Variants in CLPTM1L observed in about 807,000 individuals in gnomAD.
CLPTM1L encodes CLPTM1 like.
CLPTM1L carries 38 observed loss-of-function variants against 70.9 expected under a neutral mutation model. The ratio of observed to expected loss-of-function variants is 0.54; its 90% CI spans 0.41 to 0.70. The LOEUF is 0.70. Among genes scored for constraint, CLPTM1L ranks in the 30% least tolerant of loss-of-function variants. The pLI is 0.00. For missense variants in CLPTM1L, 652 were observed against 705.9 expected, an observed-to-expected ratio of 0.92 and a Z score of 0.87; for synonymous variants, 339 against 299.9, an observed-to-expected ratio of 1.13 and a Z score of -1.35.
At chr5:1,323,401 G>T (rs1358946560) in intron 12 of CLPTM1L, among the ~76,000 whole-genome samples, 7 of 151,590 alleles carry the variant, frequency 4.6e-5, no homozygotes, top group African/African-American at 1.7e-4. Flanking sequence ...GGCAGCAGAG[G>T]CTGGAGGCTC....
chr5:1,331,569 C>G, intron 8 of CLPTM1L: 1 of 401,908 alleles, frequency 2.5e-6, no homozygotes. Flanking sequence ...AGGCCCTGAG[C>G]TGTGCAGCCG....
intron 9 of CLPTM1L, among the ~76,000 whole-genome samples, chr5:1,327,799 A>G (rs2111215293): frequency 1.4e-5 from 2 of 148,078 alleles, no homozygotes; most frequent in South Asian, 2.2e-4. Context: ...CTCCTCCTCT[A>G]CAGACACATT....
At chr5:1,338,821 A>T in intron 4 of CLPTM1L, 39 bp downstream of exon 4, 1 of 1,610,188 alleles carries the variant, frequency 6.2e-7, no homozygotes, top group Non-Finnish European at 8.5e-7. Flanking sequence ...GGGTCCCAGC[A>T]CCCTCCCCCC....
intron 4 of CLPTM1L, chr5:1,338,237 G>A: frequency 1.8e-6 from 1 of 562,652 alleles, no homozygotes; most frequent in South Asian, 2.0e-5. Context: ...GCCACTAGGA[G>A]CGGGGGAATT....
At chr5:1,338,630 C>G (rs897529248) in intron 4 of CLPTM1L, among the ~76,000 whole-genome samples, 4 of 152,260 alleles carry the variant, frequency 2.6e-5, no homozygotes, top group Non-Finnish European at 4.4e-5. Flanking sequence ...CCTTCGCCAG[C>G]CAGGAGCAAA....
chr5:1,333,663 C>T (rs56190840), intron 7 of CLPTM1L, among the ~76,000 whole-genome samples: 3 of 49,992 alleles, frequency 6.0e-5, no homozygotes, highest in Admixed American at 4.0e-4. Context: ...TACACACCGG[C>T]TGAGGATAAG....
At chr5:1,344,483 G>T in intron 1 of CLPTM1L, 32 bp from the exon 2 acceptor site, 1 of 1,585,006 alleles carries the variant, frequency 6.3e-7, no homozygotes, top group Non-Finnish European at 8.7e-7. Flanking sequence ...GAGTCAGCTC[G>T]GCCAGGCCCT....
chr5:1,321,164 T>A (rs138592428), intron 15 of CLPTM1L, among the ~76,000 whole-genome samples: 1 of 152,310 alleles, frequency 6.6e-6, no homozygotes, highest in African/African-American at 2.4e-5. Context: ...TTCAGAAAAG[T>A]GCAAATCATG....
chr5:1,324,900 G>A, intron 10 of CLPTM1L, 87 bp from the exon 11 acceptor site: 3 of 1,233,232 alleles, frequency 2.4e-6, no homozygotes, highest in Non-Finnish European at 3.6e-6. Flanking sequence ...GTCACATATG[G>A]CTGCAGAGCT....
At chr5:1,333,744 G>C (rs911340110) in intron 7 of CLPTM1L, among the ~76,000 whole-genome samples, 74 of 90,372 alleles carry the variant, frequency 8.2e-4, no homozygotes, top group Non-Finnish European at 9.3e-4. Flanking sequence ...TGAGGATAAG[G>C]GGGGACTACT....
Position 1,321,810 on chromosome 5 carries a change from G to A in CLPTM1L, c.1325C>T (p.Ala442Val). Reference sequence around the variant, plus strand: ...GGGCAGCATGAAGAGGAAACCAAAGGCATAGACCCCTGCAGAAAGACAGAC... The same window carrying A: ...GGGCAGCATGAAGAGGAAACCAAAGACATAGACCCCTGCAGAAAGACAGAC... ...LINSFVNGVY[A>V]FGFLFMLPQL... Residue 442 changes from alanine (A) to valine (V), a missense_variant, in exon 14 of 17, where the codon GCC (alanine) becomes GTC (valine). Ala to Val is a moderately conservative substitution (Grantham distance 64, BLOSUM62 0). Around this residue, in one of 3 missense-constraint regions of CLPTM1L, gnomAD observed 240 missense variants for 295.0 expected, o/e 0.81. Transcript: ENST00000320895. 1 of 1,613,878 alleles carries A rather than the reference G, an allele frequency of 6.2e-7. No individual in the cohort carries two copies. Among genetic ancestry groups the A allele is most frequent in the Non-Finnish European group, 8.5e-7 (1 of 1,179,896 alleles).
rs781774544 is a variant in CLPTM1L, at chr5:1,325,805, C to T, written c.1092G>A (p.Val364=). ...GVGAAIELWK[V]KKALKMTIFW... Reference sequence around the variant, plus strand: ...AAATAGTCATCTTCAATGCCTTCTTCACTTTCCACAGCTGAGGGGAGAAAT... The same window carrying T: ...AAATAGTCATCTTCAATGCCTTCTTTACTTTCCACAGCTGAGGGGAGAAAT... Residue 364 remains valine (V), a synonymous_variant, in exon 10 of 17, where the codon GTG becomes GTA. Coordinates refer to ENST00000320895, the MANE Select transcript of CLPTM1L (RefSeq NM_030782.5). The T allele has an allele frequency of 1.9e-6, 3 of 1,613,862 alleles. No individual in the cohort carries two copies. The highest frequency in any genetic ancestry group is 2.5e-6 in the Non-Finnish European group (3 of 1,179,832).
chr5:1,330,242 T>C (rs1433019564), intron 9 of CLPTM1L, 38 bp downstream of exon 9: 3 of 1,546,410 alleles, frequency 1.9e-6, no homozygotes, highest in Non-Finnish European at 2.7e-6. Flanking sequence ...TGGAGGCACA[T>C]GGACCTCAGA....
At chr5:1,338,758 C>G in intron 4 of CLPTM1L, 102 bp downstream of exon 4, 3 of 1,415,542 alleles carry the variant, frequency 2.1e-6, no homozygotes, top group Admixed American at 2.0e-5. Context: ...TGCCTCCCCA[C>G]AGAGGGGACT....
At chr5:1,337,176 G>A (rs984957027) in intron 5 of CLPTM1L, among the ~76,000 whole-genome samples, 5 of 152,190 alleles carry the variant, frequency 3.3e-5, no homozygotes, top group Admixed American at 6.5e-5. Flanking sequence ...AACCTCATCC[G>A]TGAAACAACG....
chr5:1,340,812 T>A (rs1753893020), intron 3 of CLPTM1L, among the ~76,000 whole-genome samples: 1 of 152,224 alleles, frequency 6.6e-6, no homozygotes, highest in Non-Finnish European at 1.5e-5. Flanking sequence ...AGGCAGAGTC[T>A]CCCTCTGTCG....
At chr5:1,344,218 T>G (rs1754128056) in intron 2 of CLPTM1L, 133 bp downstream of exon 2, 1 of 692,076 alleles carries the variant, frequency 1.4e-6, no homozygotes, top group Admixed American at 2.2e-5. Context: ...AGTTAGGATA[T>G]TCTACCACTT....
rs552289486 is a variant in CLPTM1L, at chr5:1,329,770, T to A, written c.1080+510A>T. ...TGCCTGGTGGACAGGGCCTCAGGAC[T>A]CTCTGCCTGGTGGACAGAGCCTCAG... On this transcript the variant is annotated intron_variant, in intron 9 of 16. Coordinates refer to ENST00000320895, the MANE Select transcript of CLPTM1L (RefSeq NM_030782.5). Among the ~76,000 whole-genome samples the A allele has an allele frequency of 5.2e-4, 53 of 101,268 alleles. 1 individual carries two copies. The East Asian group carries it at 0.013, about 26-fold the overall frequency. The allele number at this position is 101,268 out of a possible 152,430, so 66.4% of individuals were successfully genotyped here. A position where few individuals can be genotyped will look rare whatever the true frequency, so the allele number is the denominator to read the frequency against.
At chr5:1,334,897 G>A (rs1753463076) in intron 6 of CLPTM1L, among the ~76,000 whole-genome samples, 160 bp downstream of exon 6, 1 of 152,242 alleles carries the variant, frequency 6.6e-6, no homozygotes, top group Non-Finnish European at 1.5e-5. Context: ...CATCTCCAAG[G>A]AGAGAAGTGA....
Sources: allele counts gnomAD v4.1 joint callset (sites outside exome capture counted in the v4.1 genomes callset), GRCh38; gene constraint gnomAD v4.1.1; regional missense constraint gnomAD v4.1.1; transcripts MANE v1.5; gene names NCBI Gene and HGNC (gene_info 2026-07-23, HGNC 2026-07-21).